Variants in NKX2-2 observed in about 807,000 individuals in gnomAD.
The protein encoded by NKX2-2 is NK2 homeobox 2.
In NKX2-2, 8 loss-of-function variants were observed where a neutral mutation model predicts 24.6. The observed-to-expected ratio is 0.32, with a 90% confidence interval of 0.19 to 0.59. The LOEUF is 0.59. Among genes scored for constraint, NKX2-2 ranks in the 20% least tolerant of loss-of-function variants. The pLI is 0.86. For missense variants in NKX2-2, 381 were observed against 373.9 expected (o/e 1.02, Z -0.16); for synonymous variants, 217 against 173.3 (o/e 1.25, Z -1.98).
In NKX2-2 at chr20:21,512,173, C is replaced by G; in HGVS notation, c.572G>C (p.Gly191Ala). The change falls in exon 2 of 2, where the codon GGT becomes GCT. Residue 191 changes from glycine (G) to alanine (A), a missense_variant. Gly to Ala is a moderately conservative substitution (Grantham distance 60). Transcript: ENST00000377142. ...YKMKRARAEK[G>A]MEVTPLPSPR... is the part of the protein sequence containing the mutation. ...CGAGGGCAGGGGCGTCACCTCCATACCTTTCTCGGCCCGGGCGCGCTTCAT... is the reference window on the plus strand; with the variant it reads ...CGAGGGCAGGGGCGTCACCTCCATAGCTTTCTCGGCCCGGGCGCGCTTCAT... 6.2e-7 allele frequency: 1 copy of G among 1,613,944 alleles called. No individual in the cohort carries two copies. Among genetic ancestry groups the G allele is most frequent in the Non-Finnish European group, 8.5e-7 (1 of 1,179,942 alleles).
At chr20:21,519,769 C>T in the NKX2-2 span, among the ~76,000 whole-genome samples, 3 of 152,190 alleles carry the variant, frequency 2.0e-5, no homozygotes, top group Non-Finnish European at 4.4e-5. Context: ...CTTCTGCCCC[C>T]GGAGAAGGAA....
upstream of NKX2-2, chr20:21,514,167 G>A (rs907230752): frequency 1.3e-5 from 2 of 152,578 alleles, no homozygotes; most frequent in African/African-American, 4.8e-5. Flanking sequence ...AAAGAAAGAG[G>A]GAGGGAGGGG....
upstream of NKX2-2, among the ~76,000 whole-genome samples, chr20:21,517,735 A>T (rs1980677151): frequency 1.3e-5 from 2 of 152,144 alleles, 1 homozygote; most frequent in African/African-American, 4.8e-5. Context: ...GCCAGGCGCC[A>T]AACGCACCTT....
upstream of NKX2-2, among the ~76,000 whole-genome samples, chr20:21,515,706 C>T (rs1410454936): frequency 6.6e-6 from 1 of 152,130 alleles, no homozygotes; most frequent in Non-Finnish European, 1.5e-5. Context: ...AAGGCCACCC[C>T]TGCGGGGTCC....
At chr20:21,517,925 C>T (rs554529991), upstream of NKX2-2, among the ~76,000 whole-genome samples, 2 of 152,284 alleles carry the variant, frequency 1.3e-5, no homozygotes, top group South Asian at 4.1e-4. Flanking sequence ...CAGTAAGGGC[C>T]CACCACTCCC....
At chr20:21,515,134 C>T (rs1431920348), upstream of NKX2-2, among the ~76,000 whole-genome samples, 1 of 152,170 alleles carries the variant, frequency 6.6e-6, no homozygotes, top group Non-Finnish European at 1.5e-5. Flanking sequence ...CTGCGGGCCT[C>T]TTTCCCCGGG....
upstream of NKX2-2, among the ~76,000 whole-genome samples, chr20:21,516,073 C>T (rs1980631504): frequency 1.3e-5 from 2 of 152,208 alleles, no homozygotes; most frequent in African/African-American, 4.8e-5. Flanking sequence ...TTTGTCCCGG[C>T]TCGGTTTTTG....
the NKX2-2 span, among the ~76,000 whole-genome samples, chr20:21,520,344 T>C: frequency 6.6e-6 from 1 of 152,134 alleles, no homozygotes; most frequent in East Asian, 1.9e-4. Context: ...TATACAACAC[T>C]TTCCCAATTA....
At chr20:21,515,524 A>G (rs1207261692), upstream of NKX2-2, among the ~76,000 whole-genome samples, 1 of 150,150 alleles carries the variant, frequency 6.7e-6, no homozygotes, top group Non-Finnish European at 1.5e-5. Context: ...CGGGACTTGC[A>G]CTTCCTCCTC....
rs925530092 is a variant in NKX2-2, at chr20:21,513,594, C to G, written c.76G>C (p.Gly26Arg). ...LDLPDTNDEE[G>R]SVAEGPEEEN... is the part of the protein sequence containing the mutation. ...TCCTCCGGACCTTCGGCCACAGAGC[C>G]CTCCTCATCGTTGGTGTCCGGCAGG... The change falls in exon 1 of 2, where the codon GGC (glycine) becomes CGC (arginine). Residue 26 changes from glycine to arginine, a missense_variant. Transcript: ENST00000377142. This position sits in a 1 kb window ranked among gnomAD's most constrained non-coding sequence, Gnocchi z 4.6. The G allele has an allele frequency of 6.8e-6, 11 of 1,613,344 alleles. No individual in the cohort carries two copies. The highest frequency in any genetic ancestry group is 1.3e-5 in the African/African-American group (1 of 74,906).
rs1980408327 is a variant in NKX2-2 at position 21,511,081 on chromosome 20, G to A, written c.*842C>T. 1 of 152,594 alleles carries A rather than the reference G, an allele frequency of 6.6e-6. No individual in the cohort carries two copies. Among genetic ancestry groups the A allele is most frequent in the Non-Finnish European group, 1.5e-5 (1 of 68,036 alleles). 9.5% of individuals were successfully genotyped at this position (152,594 alleles called of 1,614,324 possible). ...TTATTTAAAAAATCGAAAGCTTTCT[G>A]CGCCCGGCGCTGTTGGGGAACCGCG... On this transcript the variant is annotated 3_prime_UTR_variant, in exon 2 of 2. Transcript: ENST00000377142.
Position 21,512,185 on chromosome 20 carries a change from C to T in NKX2-2, c.560G>A (p.Arg187Gln). The T allele has an allele frequency of 6.2e-7, 1 of 1,613,952 alleles. No homozygotes were observed. The highest frequency in any genetic ancestry group is 8.5e-7 in the Non-Finnish European group (1 of 1,179,940). Residue 187 changes from arginine (R) to glutamine (Q), a missense_variant, in exon 2 of 2, where the codon CGG (arginine) becomes CAG (glutamine). Around this residue, in one of 3 missense-constraint regions of NKX2-2, gnomAD observed 139 missense variants for 121.7 expected, o/e 1.14. Coordinates refer to ENST00000377142, the MANE Select transcript of NKX2-2 (RefSeq NM_002509.4). ...QNHRYKMKRA[R>Q]AEKGMEVTPL... Reference sequence around the variant, plus strand: ...CGTCACCTCCATACCTTTCTCGGCCCGGGCGCGCTTCATCTTGTAGCGGTG... The same window carrying T: ...CGTCACCTCCATACCTTTCTCGGCCTGGGCGCGCTTCATCTTGTAGCGGTG...
chr20:21,514,789 A>G (rs1456346856), upstream of NKX2-2, among the ~76,000 whole-genome samples: 6 of 152,228 alleles, frequency 3.9e-5, no homozygotes, highest in Non-Finnish European at 7.3e-5. Flanking sequence ...TTGAGGCTTA[A>G]GGATGAGTGC....
upstream of NKX2-2, among the ~76,000 whole-genome samples, chr20:21,517,074 C>G (rs531692409): frequency 6.6e-6 from 1 of 152,200 alleles, no homozygotes; most frequent in African/African-American, 2.4e-5. Flanking sequence ...TGGAATTAAT[C>G]ACGGGGAGGG....
At position 21,512,058 on chromosome 20, in the gene NKX2-2, C is replaced by A. The variant is rs772298843; in HGVS notation, c.687G>T (p.Gln229His). ...TGTAGGCAGAAAAGGGAATGCCCGC[C>A]TGGAAGGTGGCGGCTGCCAGGTCCT... ...KAQDLAAATFQAGIPFSAYSA... is the reference protein window; with the variant it reads ...KAQDLAAATFHAGIPFSAYSA... Residue 229 changes from glutamine (Q) to histidine (H), a missense_variant, in exon 2 of 2, where the codon CAG (glutamine) becomes CAT (histidine). Around this residue, in one of 3 missense-constraint regions of NKX2-2, gnomAD observed 139 missense variants for 121.7 expected, o/e 1.14. Transcript: ENST00000377142. 37 of 1,613,710 alleles carry A rather than the reference C, an allele frequency of 2.3e-5. No individual in the cohort carries two copies. Among genetic ancestry groups the A allele is most frequent in the South Asian group, 4.4e-5 (4 of 91,088 alleles).
Position 21,511,440 on chromosome 20 carries a change from T to A in NKX2-2, c.*483A>T, listed in dbSNP as rs1369786963. ...CCATAAATATTTAGCATTTTCTTAT[T>A]TTTTTTTAAAAAAAGGAAGAAATTC... On this transcript the variant is annotated 3_prime_UTR_variant, in exon 2 of 2. Transcript: ENST00000377142. The A allele has an allele frequency of 6.6e-6, 1 of 152,578 alleles. No individual in the cohort carries two copies. The highest frequency in any genetic ancestry group is 1.5e-5 in the Non-Finnish European group (1 of 68,224). 9.5% of individuals were successfully genotyped at this position (152,578 alleles called of 1,614,324 possible).
At chr20:21,519,130 T>C in the NKX2-2 span, among the ~76,000 whole-genome samples, 1 of 152,188 alleles carries the variant, frequency 6.6e-6, no homozygotes, top group Non-Finnish European at 1.5e-5. Flanking sequence ...ACAAAAGCGC[T>C]TCCAATCATT....
chr20:21,517,537 C>T (rs1980670769), upstream of NKX2-2, among the ~76,000 whole-genome samples: 1 of 152,172 alleles, frequency 6.6e-6, no homozygotes, highest in Admixed American at 6.5e-5. Context: ...CTGGGAGGTC[C>T]GTAATTGAAG....
At chr20:21,515,347 G>A (rs1980605364), upstream of NKX2-2, among the ~76,000 whole-genome samples, 1 of 152,138 alleles carries the variant, frequency 6.6e-6, no homozygotes, top group African/African-American at 2.4e-5. Flanking sequence ...TGGGTGGCCC[G>A]ACGATGCCTC....
Sources: allele counts gnomAD v4.1 joint callset (sites outside exome capture counted in the v4.1 genomes callset), GRCh38; gene constraint gnomAD v4.1.1; regional missense constraint gnomAD v4.1.1; non-coding constraint Gnocchi (gnomAD v3.1); transcripts MANE v1.5; gene names NCBI Gene and HGNC (gene_info 2026-07-23, HGNC 2026-07-21).